TNIK: variants seen among roughly 807,000 people sequenced by gnomAD.
The protein encoded by TNIK is TRAF2 and NCK-interacting protein kinase.
Under a neutral mutation model 191.3 loss-of-function variants are expected in TNIK, and 49 were observed. That is an observed-to-expected ratio of 0.26 (90% CI 0.20 to 0.32). TNIK has a LOEUF of 0.32. TNIK is among the 10% of genes least tolerant of loss of function. The pLI is 1.00. For synonymous variants in TNIK, 594 were observed against 600.9 expected, an observed-to-expected ratio of 0.99 and a Z score of 0.17; for missense variants, 1,155 against 1,702.3, an observed-to-expected ratio of 0.68 and a Z score of 5.66.
chr3:171,345,122 T>C (rs1185392916), intron 2 of TNIK, among the ~76,000 whole-genome samples: 2 of 152,204 alleles, frequency 1.3e-5, no homozygotes, highest in Non-Finnish European at 2.9e-5. Context: ...TGTATACTTG[T>C]TCTTCAACAC....
intron 12 of TNIK, among the ~76,000 whole-genome samples, chr3:171,150,155 G>A (rs570429085): frequency 7.4e-4 from 112 of 152,316 alleles, no homozygotes; most frequent in African/African-American, 2.6e-3. Flanking sequence ...CCTGGAAAGA[G>A]ATGACCCAGG....
At chr3:171,428,999 A>G (rs570591581) in intron 1 of TNIK, among the ~76,000 whole-genome samples, 1 of 152,292 alleles carries the variant, frequency 6.6e-6, no homozygotes, top group South Asian at 2.1e-4. Flanking sequence ...AGACATTGTT[A>G]ATTGAACAAA....
intron 2 of TNIK, among the ~76,000 whole-genome samples, chr3:171,258,279 A>T (rs574330531): frequency 1.9e-4 from 29 of 152,370 alleles, no homozygotes; most frequent in African/African-American, 6.7e-4. Context: ...GGAGGAATAG[A>T]ACAAAGAAAA....
At chr3:171,387,285 T>G (rs755084209) in intron 1 of TNIK, among the ~76,000 whole-genome samples, 2 of 152,180 alleles carry the variant, frequency 1.3e-5, no homozygotes, top group Admixed American at 1.3e-4. Context: ...GTGTCTTTTA[T>G]TAGTGCAGAA....
At chr3:171,379,949 C>T (rs1577700872) in intron 1 of TNIK, among the ~76,000 whole-genome samples, 1 of 151,942 alleles carries the variant, frequency 6.6e-6, no homozygotes, top group South Asian at 2.1e-4. Flanking sequence ...GTGGAGGTTG[C>T]AGTGAGCTGA....
intron 1 of TNIK, among the ~76,000 whole-genome samples, chr3:171,421,018 T>A (rs1245826631): frequency 6.6e-6 from 1 of 152,198 alleles, no homozygotes; most frequent in East Asian, 1.9e-4. Context: ...TGTGAGTAAC[T>A]GAAACTGTGG....
intron 28 of TNIK, among the ~76,000 whole-genome samples, chr3:171,077,581 C>T (rs1211348341): frequency 6.6e-6 from 1 of 152,076 alleles, no homozygotes; most frequent in Non-Finnish European, 1.5e-5. Context: ...GAAGCATCAG[C>T]GTTTCTTGGG....
At chr3:171,183,307 G>A (rs1736895864) in intron 7 of TNIK, among the ~76,000 whole-genome samples, 1 of 152,194 alleles carries the variant, frequency 6.6e-6, no homozygotes, top group Admixed American at 6.5e-5. Flanking sequence ...CTGACTCCTA[G>A]CTCCATTATC....
intron 2 of TNIK, among the ~76,000 whole-genome samples, chr3:171,365,215 T>C (rs1715562035): frequency 7.7e-6 from 1 of 129,794 alleles, no homozygotes; most frequent in African/African-American, 2.9e-5. Context: ...AGAGTTTCGC[T>C]CTACTTGCCC....
intron 3 of TNIK, among the ~76,000 whole-genome samples, chr3:171,216,150 G>T (rs1042228908): frequency 4.6e-5 from 7 of 152,120 alleles, no homozygotes; most frequent in African/African-American, 1.7e-4. Context: ...AGGATCACAG[G>T]CTACGAGAAT....
At chr3:171,334,391 TGGA>T (rs1335684511) in intron 2 of TNIK, among the ~76,000 whole-genome samples, 2 of 151,684 alleles carry the variant, frequency 1.3e-5, no homozygotes, top group Admixed American at 1.3e-4. Flanking sequence ...GCCTGGGAGA[TGGA>T]GGAGAATGAC....
chr3:171,304,843 C>A (rs1436207466), intron 2 of TNIK, among the ~76,000 whole-genome samples: 2 of 151,928 alleles, frequency 1.3e-5, no homozygotes, highest in African/African-American at 4.8e-5. Context: ...GAACATCACA[C>A]ACCGGGGACC....
intron 28 of TNIK, 117 bp from the exon 29 acceptor site, chr3:171,071,440 G>T: frequency 1.3e-6 from 1 of 774,956 alleles, no homozygotes. Flanking sequence ...TTGGGTGTCA[G>T]CTTCATGAAG....
intron 17 of TNIK, among the ~76,000 whole-genome samples, chr3:171,125,362 AC>A (rs1003820592): frequency 1.3e-5 from 2 of 152,198 alleles, no homozygotes; most frequent in African/African-American, 4.8e-5. Context: ...TGGTCATTTT[AC>A]CCTAAGGTTT....
At chr3:171,173,382 C>G (rs1222960904) in intron 9 of TNIK, among the ~76,000 whole-genome samples, 1 of 139,978 alleles carries the variant, frequency 7.1e-6, no homozygotes, top group Non-Finnish European at 1.5e-5. Flanking sequence ...GGCGACAGAG[C>G]GAGACTCCGT....
intron 1 of TNIK, among the ~76,000 whole-genome samples, chr3:171,411,400 A>G (rs1022692298): frequency 6.6e-6 from 1 of 152,048 alleles, no homozygotes; most frequent in African/African-American, 2.4e-5. Flanking sequence ...AAGTTTGGGG[A>G]ATTTATTAGA....
chr3:171,446,862 AC>A (rs1727560316), intron 1 of TNIK, among the ~76,000 whole-genome samples: 1 of 152,170 alleles, frequency 6.6e-6, no homozygotes, highest in Non-Finnish European at 1.5e-5. Flanking sequence ...CTCCAAACAC[AC>A]TTGCTGGATA....
intron 20 of TNIK, 166 bp downstream of exon 20, chr3:171,107,899 C>T (rs1334455158): frequency 1.4e-5 from 8 of 578,534 alleles, no homozygotes; most frequent in Non-Finnish European, 2.3e-5. Context: ...AAGATCTCTT[C>T]GGTTCTTTCC....
At chr3:171,381,965 A>G (rs1239191431) in intron 1 of TNIK, among the ~76,000 whole-genome samples, 1 of 152,236 alleles carries the variant, frequency 6.6e-6, no homozygotes, top group African/African-American at 2.4e-5. Flanking sequence ...TGGAGCTACC[A>G]TGCTACCGCT....
Sources: allele counts gnomAD v4.1 joint callset (sites outside exome capture counted in the v4.1 genomes callset), GRCh38; gene constraint gnomAD v4.1.1; transcripts MANE v1.5; gene names NCBI Gene and HGNC (gene_info 2026-07-23, HGNC 2026-07-21).